Variants in MMP26 observed in about 807,000 individuals in gnomAD.
The protein encoded by MMP26 is matrix metalloproteinase-26.
A neutral mutation model predicts 31.0 loss-of-function variants in MMP26; 33 were observed. The observed-to-expected ratio is 1.06, with a 90% CI of 0.81 to 1.42. MMP26 has a LOEUF of 1.42. Among genes scored for constraint, MMP26 ranks in the 40% most tolerant of loss-of-function variants. MMP26 has a pLI of 0.00. For synonymous variants in MMP26, 122 were observed against 114.9 expected (o/e 1.06, Z -0.40); for missense variants, 347 against 316.1 (o/e 1.10, Z -0.74).
At chr11:4,868,019 A>G (rs1850260449) in intron 2 of MMP26, among the ~76,000 whole-genome samples, 1 of 152,168 alleles carries the variant, frequency 6.6e-6, no homozygotes, top group African/African-American at 2.4e-5. Context: ...TAGACTGGAT[A>G]AAGAAAATGT....
intron 2 of MMP26, among the ~76,000 whole-genome samples, chr11:4,782,396 G>A (rs918120353): frequency 6.6e-6 from 1 of 152,192 alleles, no homozygotes; most frequent in Non-Finnish European, 1.5e-5. Flanking sequence ...GTGAAACTTT[G>A]AACTTAACAG....
Position 4,932,593 on chromosome 11 carries a change from G to T in MMP26, c.-144-55475G>T, listed in dbSNP as rs79797168. On this transcript the variant is annotated intron_variant, in intron 2 of 7. Coordinates refer to ENST00000380390, the MANE Select transcript of MMP26 (RefSeq NM_021801.5). ...AAAGTGTATCCCCTGTCCCAGTGAA[G>T]ATGCCCAGTTGGTACTATGTGGAGA... Among the ~76,000 whole-genome samples, 532 of 152,270 alleles carry T rather than the reference G, an allele frequency of 3.5e-3. 9 individuals are homozygous for T. Among genetic ancestry groups the T allele is most frequent in the East Asian group, 0.024 (126 of 5,178 alleles).
intron 1 of MMP26, chr11:4,752,209 T>A (rs942504339): frequency 3.3e-5 from 5 of 152,218 alleles, no homozygotes; most frequent in African/African-American, 1.2e-4. Context: ...AAGGACAGGC[T>A]GATCAAAGGG....
chr11:4,855,950 G>A (rs11517623), intron 2 of MMP26, among the ~76,000 whole-genome samples: 51,910 of 151,494 alleles, frequency 0.34, 9,433 homozygotes, highest in Non-Finnish European at 0.41. Context: ...TTTCAACCCA[G>A]AATTTCATAT....
rs192070913 is a variant in MMP26, at chr11:4,826,968, C to T, written c.-145+59627C>T. 8.4e-3 allele frequency among the ~76,000 whole-genome samples: 1,271 copies of T among 152,162 alleles called. 16 individuals carry two copies. The highest frequency in any genetic ancestry group is 0.029 in the African/African-American group (1,197 of 41,510). ...GTCTACCTCATGAATCCTTAATTTC[C>T]CCCTATTTCTGGGTTGTACATGCAT... is the stretch of plus-strand genomic sequence containing the variant. On this transcript the variant is annotated intron_variant, in intron 2 of 7. Transcript: ENST00000380390.
At chr11:4,873,471 A>G (rs1183525623) in intron 2 of MMP26, among the ~76,000 whole-genome samples, 2 of 152,108 alleles carry the variant, frequency 1.3e-5, no homozygotes, top group Non-Finnish European at 2.9e-5. Context: ...GAACCCTGCA[A>G]CAGCCACTAC....
chr11:4,897,046 A>G (rs1357287528), intron 2 of MMP26, among the ~76,000 whole-genome samples: 1 of 152,116 alleles, frequency 6.6e-6, no homozygotes, highest in Non-Finnish European at 1.5e-5. Context: ...TGCATAATGT[A>G]TCTTTTTATA....
At chr11:4,751,699 T>C (rs1387243482) in intron 1 of MMP26, among the ~76,000 whole-genome samples, 1 of 152,150 alleles carries the variant, frequency 6.6e-6, no homozygotes, top group Non-Finnish European at 1.5e-5. Flanking sequence ...ATAAAATATA[T>C]ATTTATTTGT....
At chr11:4,824,236 T>C (rs959544806) in intron 2 of MMP26, among the ~76,000 whole-genome samples, 1 of 152,116 alleles carries the variant, frequency 6.6e-6, no homozygotes, top group African/African-American at 2.4e-5. Context: ...GATGTCAGCC[T>C]GGTGCTGAGA....
chr11:4,848,854 C>A (rs1849926070), intron 2 of MMP26: 1 of 1,614,128 alleles, frequency 6.2e-7, no homozygotes, highest in African/African-American at 1.3e-5. Context: ...ACAGAGGACT[C>A]CATGACAGAA....
chr11:4,784,767 C>T (rs1485659413), intron 2 of MMP26, among the ~76,000 whole-genome samples: 1 of 152,112 alleles, frequency 6.6e-6, no homozygotes, highest in African/African-American at 2.4e-5. Context: ...CATGGAAATT[C>T]TGGGAAGCTA....
chr11:4,881,695 G>T, intron 2 of MMP26: 1 of 551,550 alleles, frequency 1.8e-6, no homozygotes, highest in Non-Finnish European at 3.2e-6. Flanking sequence ...AGTAAATTTG[G>T]TTTTGAATTT....
At chr11:4,882,738 A>ATATTTATCTGCTCTTACCACCTGTGC (rs1850493786) in intron 2 of MMP26, 1 of 1,613,720 alleles carries the variant, frequency 6.2e-7, no homozygotes, top group African/African-American at 1.3e-5. Flanking sequence ...ACTTTGGCCA[A>ATATTTATCTGCTCTTACCACCTGTGC]TATTTATCTG....
chr11:4,735,105 CT>C (rs1564897562), intron 1 of MMP26, among the ~76,000 whole-genome samples: 1 of 152,148 alleles, frequency 6.6e-6, no homozygotes, highest in Non-Finnish European at 1.5e-5. Context: ...GCCCTGTGTT[CT>C]TGGCTACGCC....
intron 2 of MMP26, among the ~76,000 whole-genome samples, chr11:4,796,679 C>A (rs1184192121): frequency 6.6e-6 from 1 of 152,062 alleles, no homozygotes; most frequent in African/African-American, 2.4e-5. Flanking sequence ...GAAATAGAGA[C>A]AAAGTTGCTT....
chr11:4,729,629 G>A (rs1406974024), intron 1 of MMP26, among the ~76,000 whole-genome samples: 1 of 152,066 alleles, frequency 6.6e-6, no homozygotes, highest in Non-Finnish European at 1.5e-5. Context: ...GAAATAAACG[G>A]ATTTGAGGGC....
intron 2 of MMP26, chr11:4,943,234 G>C (rs1240956463): frequency 5.3e-6 from 1 of 190,430 alleles, no homozygotes; most frequent in Admixed American, 5.8e-5. Context: ...TTTTTAAAAA[G>C]TATTTGAACT....
chr11:4,888,403 A>T (rs1416557815), intron 2 of MMP26, among the ~76,000 whole-genome samples: 2 of 152,150 alleles, frequency 1.3e-5, no homozygotes, highest in Non-Finnish European at 2.9e-5. Context: ...TGCTAGTTTA[A>T]CATTATTTCT....
intron 2 of MMP26, among the ~76,000 whole-genome samples, chr11:4,843,196 C>T (rs1384441123): frequency 7.2e-5 from 11 of 152,182 alleles, no homozygotes; most frequent in Admixed American, 5.2e-4. Flanking sequence ...ATCTGCCATT[C>T]TGGAGTATGG....
Sources: gnomAD v4.1 joint callset for allele counts (sites outside exome capture counted in the v4.1 genomes callset) on GRCh38, gnomAD v4.1.1 for gene constraint, MANE v1.5 for transcripts, NCBI Gene and HGNC (gene_info 2026-07-23, HGNC 2026-07-21) for gene names.